The following CCDC63 variants were observed in gnomAD, a reference collection of about 807,000 sequenced individuals.
CCDC63 encodes coiled-coil domain containing 63, also known as coiled-coil domain-containing protein 63.
CCDC63 carries 54 observed loss-of-function variants against 63.6 expected under a neutral mutation model. The ratio of observed to expected loss-of-function variants is 0.85; its 90% CI spans 0.68 to 1.07. The LOEUF is 1.07. CCDC63 is among the 50% of genes least tolerant of loss of function. The pLI is 0.00. For synonymous variants in CCDC63, 253 were observed against 266.1 expected, an observed-to-expected ratio of 0.95 and a Z score of 0.48; for missense variants, 637 against 689.6, an observed-to-expected ratio of 0.92 and a Z score of 0.86.
At chr12:110,878,423 T>C (rs2071159852) in intron 5 of CCDC63, among the ~76,000 whole-genome samples, 1 of 152,134 alleles carries the variant, frequency 6.6e-6, no homozygotes, top group Non-Finnish European at 1.5e-5. Context: ...CAAATGATTC[T>C]CTTGCCTCAG....
At chr12:110,861,686 C>T (rs1019552425) in intron 4 of CCDC63, among the ~76,000 whole-genome samples, 6 of 151,982 alleles carry the variant, frequency 3.9e-5, no homozygotes, top group Admixed American at 1.3e-4. Flanking sequence ...ATTCTCCTGC[C>T]TCAGCCTCCA....
At chr12:110,901,819 T>G (rs773500260) in intron 10 of CCDC63, among the ~76,000 whole-genome samples, 3 of 152,072 alleles carry the variant, frequency 2.0e-5, no homozygotes, top group Non-Finnish European at 4.4e-5. Flanking sequence ...TTCTCCTTCC[T>G]TCCTTCCTTC....
chr12:110,862,627 G>A lies in CCDC63; in HGVS notation c.369+3852G>A, dbSNP rs79237670. On this transcript the variant is annotated intron_variant, in intron 4 of 11. Transcript: ENST00000308208. ...CCACAGCTTCCCTTAACAGGGAGCC[G>A]GAGCTGGAGGACTGCAGGCCCAACT... Among the ~76,000 whole-genome samples, 1,143 of 152,350 alleles carry A rather than the reference G, an allele frequency of 7.5e-3. 20 individuals carry two copies. The highest frequency in any genetic ancestry group is 0.026 in the African/African-American group (1,098 of 41,584).
At chr12:110,867,035 C>T (rs1380785343) in intron 4 of CCDC63, among the ~76,000 whole-genome samples, 4 of 143,192 alleles carry the variant, frequency 2.8e-5, no homozygotes, top group Non-Finnish European at 4.7e-5. Flanking sequence ...GGCGGCTGGC[C>T]GGGCAGAGGG....
intron 5 of CCDC63, among the ~76,000 whole-genome samples, chr12:110,875,454 T>C (rs897803358): frequency 6.6e-6 from 1 of 152,164 alleles, no homozygotes; most frequent in Non-Finnish European, 1.5e-5. Flanking sequence ...TAATTTTTTT[T>C]TTTTTTGAGA....
chr12:110,905,504 G>A (rs1326452569), intron 11 of CCDC63, among the ~76,000 whole-genome samples: 7 of 152,050 alleles, frequency 4.6e-5, no homozygotes, highest in South Asian at 2.1e-4. Flanking sequence ...ACTCAAGGGT[G>A]GAAGATGAAA....
At chr12:110,846,523 C>A (rs562151077), upstream of CCDC63, among the ~76,000 whole-genome samples, 2 of 151,982 alleles carry the variant, frequency 1.3e-5, no homozygotes, top group East Asian at 1.9e-4. Context: ...TCTTTCCCCC[C>A]CCGCCCCAAC....
At position 110,850,540 on chromosome 12, in the gene CCDC63, G is replaced by A. The variant is rs1451192866; in HGVS notation, c.-96-2319G>A. On this transcript the variant is annotated intron_variant, in intron 1 of 11. Transcript: ENST00000308208. ...GCGGATCACCTGAGGTCATAAATTC[G>A]AGACCAGCCTGACCAAAATGGTGAA... Among the ~76,000 whole-genome samples the A allele has an allele frequency of 3.9e-5, 6 of 152,260 alleles. No individual in the cohort carries two copies. The East Asian group carries it at 7.7e-4, about 20-fold the overall frequency.
intron 5 of CCDC63, among the ~76,000 whole-genome samples, chr12:110,876,368 G>T (rs1184180853): frequency 6.6e-6 from 1 of 152,124 alleles, no homozygotes; most frequent in Admixed American, 6.6e-5. Flanking sequence ...AGAATGCTCT[G>T]CTCCCAGGGA....
Position 110,884,247 on chromosome 12 carries a change from C to A in CCDC63, c.1071C>A (p.Ile357=), listed in dbSNP as rs145868864. 1.2e-6 allele frequency: 2 copies of A among 1,613,690 alleles called. No individual in the cohort carries two copies. The highest frequency in any genetic ancestry group is 1.1e-5 in the South Asian group (1 of 91,048). Residue 357 remains isoleucine, a synonymous_variant, in exon 8 of 12, where the codon ATC becomes ATA. Coordinates refer to ENST00000308208, the MANE Select transcript of CCDC63 (RefSeq NM_152591.3). ...MEMMHKRTQR[I]QDEIILLRSQ... Reference sequence around the variant, plus strand: ...TGATGCACAAGAGGACCCAACGAATCCAGGTCAGGGCGGCTCTGCTTTCCC... The same window carrying A: ...TGATGCACAAGAGGACCCAACGAATACAGGTCAGGGCGGCTCTGCTTTCCC...
chr12:110,880,705 ATGGTG>A (rs1397736253), intron 6 of CCDC63, among the ~76,000 whole-genome samples: 5 of 164 alleles, frequency 0.03, no homozygotes, highest in Non-Finnish European at 0.045. Context: ...TGATGGTGAT[ATGGTG>A]ATGGTGATGA....
chr12:110,901,382 T>C (rs2071485034), intron 10 of CCDC63, among the ~76,000 whole-genome samples: 1 of 152,178 alleles, frequency 6.6e-6, no homozygotes, highest in East Asian at 1.9e-4. Flanking sequence ...TATTATTTTA[T>C]CTATTTATTT....
chr12:110,869,463 G>T (rs1246367993), intron 4 of CCDC63, among the ~76,000 whole-genome samples: 2 of 152,104 alleles, frequency 1.3e-5, no homozygotes, highest in Non-Finnish European at 2.9e-5. Flanking sequence ...AGTCTTGAAG[G>T]GCACTCTTCT....
At chr12:110,858,110 T>TATAAAATAAA (rs67701132) in intron 3 of CCDC63, among the ~76,000 whole-genome samples, 1,457 of 137,830 alleles carry the variant, frequency 0.011, 32 homozygotes, top group African/African-American at 0.03. Context: ...TGTCTCAAAA[T>TATAAAATAAA]ATAAAATAAA....
intron 10 of CCDC63, among the ~76,000 whole-genome samples, chr12:110,900,198 G>A (rs910858668): frequency 2.6e-5 from 4 of 152,040 alleles, no homozygotes; most frequent in Non-Finnish European, 5.9e-5. Context: ...GGGTAACAGA[G>A]CAAGACTCTG....
chr12:110,872,575 A>G (rs1660243640), intron 4 of CCDC63, among the ~76,000 whole-genome samples: 1 of 152,222 alleles, frequency 6.6e-6, no homozygotes. Context: ...TTCAGTGTCT[A>G]TTAGAATTGA....
chr12:110,874,427 C>A (rs894778945), intron 5 of CCDC63, among the ~76,000 whole-genome samples: 1 of 152,156 alleles, frequency 6.6e-6, no homozygotes, highest in Non-Finnish European at 1.5e-5. Context: ...TCTACAGTGA[C>A]TTTTGCATTA....
At chr12:110,878,586 A>T (rs1387539939) in intron 5 of CCDC63, among the ~76,000 whole-genome samples, 2 of 152,212 alleles carry the variant, frequency 1.3e-5, no homozygotes, top group Non-Finnish European at 2.9e-5. Context: ...AAGTGCTGGG[A>T]TTACAGGTGT....
At position 110,890,773 on chromosome 12, in the gene CCDC63, C is replaced by CTTT. The variant is rs769120162; in HGVS notation, c.1075-2283_1075-2281dup. Among the ~76,000 whole-genome samples the CTTT allele has an allele frequency of 3.1e-3, 304 of 98,368 alleles. 3 individuals are homozygous for CTTT. Among genetic ancestry groups the CTTT allele is most frequent in the African/African-American group, 4.6e-3 (113 of 24,506 alleles). 64.5% of individuals were successfully genotyped at this position (98,368 alleles called of 152,430 possible). Reference sequence around the variant, plus strand: ...CATCTTCTATTTTTTTCCTCCTTTTCTTTTTTTTTTTTTTTTTTTTTTGAG... The same window carrying CTTT: ...CATCTTCTATTTTTTTCCTCCTTTTCTTTTTTTTTTTTTTTTTTTTTTTTTGAG... On this transcript the variant is annotated intron_variant, in intron 8 of 11. Coordinates refer to ENST00000308208, the MANE Select transcript of CCDC63 (RefSeq NM_152591.3).
Sources: gnomAD v4.1 joint callset for allele counts (sites outside exome capture counted in the v4.1 genomes callset) on GRCh38, gnomAD v4.1.1 for gene constraint, MANE v1.5 for transcripts, NCBI Gene and HGNC (gene_info 2026-07-23, HGNC 2026-07-21) for gene names.